CSMD1: variants seen among roughly 807,000 people sequenced by gnomAD.
CSMD1 encodes the protein CUB and Sushi multiple domains 1.
CSMD1 carries 213 observed loss-of-function variants against 417.5 expected under a neutral mutation model. That is an observed-to-expected ratio of 0.51 (90% CI 0.46 to 0.57). The LOEUF (loss-of-function observed/expected upper bound fraction) is 0.57, where lower values mean the gene tolerates loss of function less well. Ranked by LOEUF, CSMD1 falls within the 20% of genes least tolerant of loss-of-function variation. The probability of loss-of-function intolerance (pLI) is 0.00; values close to 1 mark genes in which losing one functional copy is unlikely to be tolerated. For missense variants in CSMD1, 6,923 were observed against 4,529.7 expected, an observed-to-expected ratio of 1.53 and a Z score of -15.17; for synonymous variants, 2,862 against 1,736.8, an observed-to-expected ratio of 1.65 and a Z score of -16.11.
At chr8:4,298,278 T>C (rs1017996540) in intron 3 of CSMD1, among the ~76,000 whole-genome samples, 4 of 152,180 alleles carry the variant, frequency 2.6e-5, no homozygotes, top group Non-Finnish European at 4.4e-5. Flanking sequence ...AGGTAAGAAG[T>C]TACAATAATA....
At chr8:4,345,789 C>T (rs906135426) in intron 3 of CSMD1, among the ~76,000 whole-genome samples, 10 of 152,080 alleles carry the variant, frequency 6.6e-5, no homozygotes, top group Admixed American at 2.0e-4. Context: ...GCTAATTCTT[C>T]CACAAAACCA....
intron 3 of CSMD1, among the ~76,000 whole-genome samples, chr8:4,230,812 T>A (rs1178968998): frequency 6.6e-6 from 1 of 152,196 alleles, no homozygotes; most frequent in East Asian, 1.9e-4. Flanking sequence ...TTCAGCAGCT[T>A]TTGCAGTGTC....
chr8:4,366,245 G>C (rs1003041224), intron 3 of CSMD1, among the ~76,000 whole-genome samples: 1 of 123,920 alleles, frequency 8.1e-6, no homozygotes, highest in East Asian at 2.4e-4. Flanking sequence ...AGCTGCAAAA[G>C]ACGTGATTCT....
At chr8:4,738,061 A>C in intron 1 of CSMD1, among the ~76,000 whole-genome samples, 2 of 152,328 alleles carry the variant, frequency 1.3e-5, no homozygotes, top group Admixed American at 1.3e-4. Context: ...AGTAAAAACA[A>C]AGATAAGATT....
rs1018213037 is a variant in CSMD1 at position 4,184,054 on chromosome 8, T to C, written c.416-151955A>G. On this transcript the variant is annotated intron_variant, in intron 3 of 69. Coordinates refer to ENST00000635120, the MANE Select transcript of CSMD1 (RefSeq NM_033225.6). The stretch of plus-strand genomic sequence containing the variant: ...ATAATGATGGCAAATTCTGTTATTA[T>C]CTACCCTGCAATAATTAGCCACCTT... Among the ~76,000 whole-genome samples the C allele has an allele frequency of 3.9e-5, 6 of 152,202 alleles. No homozygotes were observed. In the East Asian group the frequency reaches 9.6e-4, roughly 24 times the overall value.
chr8:3,177,543 A>G (rs779057644), intron 37 of CSMD1, among the ~76,000 whole-genome samples: 40 of 152,200 alleles, frequency 2.6e-4, no homozygotes, highest in Admixed American at 1.3e-4. Flanking sequence ...TCTCTAGGAG[A>G]CCATTACAAT....
At position 3,591,150 on chromosome 8, in the gene CSMD1, G is replaced by T. The variant is rs57525114; in HGVS notation, c.1098-4890C>A. ...TAACTGTAAGAAATACTGGAGAACCGATTTTGTGTAAGATCAAGATACATG... is the reference window on the plus strand; with the variant it reads ...TAACTGTAAGAAATACTGGAGAACCTATTTTGTGTAAGATCAAGATACATG... On this transcript the variant is annotated intron_variant, in intron 8 of 69. Coordinates refer to ENST00000635120, the MANE Select transcript of CSMD1 (RefSeq NM_033225.6). 2.5e-3 allele frequency among the ~76,000 whole-genome samples: 380 copies of T among 152,222 alleles called. 1 individual carries two copies. The highest frequency in any genetic ancestry group is 8.6e-3 in the African/African-American group (356 of 41,550).
At chr8:4,120,764 T>A (rs1277224173) in intron 3 of CSMD1, among the ~76,000 whole-genome samples, 1 of 152,214 alleles carries the variant, frequency 6.6e-6, no homozygotes, top group African/African-American at 2.4e-5. Context: ...AGAGGACACC[T>A]AGTTAAAACA....
intron 1 of CSMD1, among the ~76,000 whole-genome samples, chr8:4,766,589 G>C (rs1431732882): frequency 2.0e-5 from 3 of 152,078 alleles, no homozygotes; most frequent in Admixed American, 2.0e-4. Context: ...CATGCAGCAG[G>C]GCATTTATTG....
At chr8:4,385,700 AT>A (rs1309808357) in intron 3 of CSMD1, among the ~76,000 whole-genome samples, 1 of 152,178 alleles carries the variant, frequency 6.6e-6, no homozygotes, top group Non-Finnish European at 1.5e-5. Flanking sequence ...GTAATATAGT[AT>A]TTTTATAGAG....
chr8:4,746,450 C>T (rs1810958357), intron 1 of CSMD1, among the ~76,000 whole-genome samples: 1 of 152,202 alleles, frequency 6.6e-6, no homozygotes, highest in Non-Finnish European at 1.5e-5. Flanking sequence ...GACTTGCTCA[C>T]CACAATATCA....
chr8:4,414,379 C>G (rs1035151941), intron 3 of CSMD1, among the ~76,000 whole-genome samples: 3 of 152,122 alleles, frequency 2.0e-5, no homozygotes, highest in African/African-American at 7.2e-5. Flanking sequence ...GGTGAAAATT[C>G]AAGGACTGTA....
chr8:3,613,047 G>A (rs1024864058), intron 8 of CSMD1, among the ~76,000 whole-genome samples: 1 of 151,920 alleles, frequency 6.6e-6, no homozygotes, highest in Non-Finnish European at 1.5e-5. Context: ...GATGGAACAA[G>A]TAAAATTTTT....
At chr8:4,694,333 C>G (rs1584954418) in intron 1 of CSMD1, among the ~76,000 whole-genome samples, 1 of 152,168 alleles carries the variant, frequency 6.6e-6, no homozygotes, top group South Asian at 2.1e-4. Context: ...AAACCAAAAA[C>G]CAAAGTACTT....
chr8:4,450,050 T>A (rs1316928364), intron 2 of CSMD1, among the ~76,000 whole-genome samples: 1 of 152,184 alleles, frequency 6.6e-6, no homozygotes, highest in Non-Finnish European at 1.5e-5. Context: ...TGGGTTCCAC[T>A]TTTCTCCCGG....
intron 4 of CSMD1, among the ~76,000 whole-genome samples, chr8:4,016,297 T>TTCC: frequency 6.6e-6 from 1 of 152,102 alleles, no homozygotes; most frequent in South Asian, 2.1e-4. Flanking sequence ...TAGATGGAAA[T>TTCC]AGAAAATAAA....
intron 41 of CSMD1, among the ~76,000 whole-genome samples, chr8:3,135,037 C>T (rs547211474): frequency 1.3e-5 from 2 of 152,272 alleles, no homozygotes; most frequent in East Asian, 3.9e-4. Context: ...AGTCCTCCCA[C>T]CTCAGCCTCC....
At chr8:3,075,131 T>C (rs1813564136) in intron 49 of CSMD1, among the ~76,000 whole-genome samples, 1 of 152,162 alleles carries the variant, frequency 6.6e-6, no homozygotes, top group Admixed American at 6.6e-5. Flanking sequence ...CTTCACCTTC[T>C]GCCATGATTA....
At chr8:3,769,539 A>G (rs760446085) in intron 5 of CSMD1, among the ~76,000 whole-genome samples, 8 of 151,948 alleles carry the variant, frequency 5.3e-5, no homozygotes, top group Non-Finnish European at 1.0e-4. Flanking sequence ...TTAGTGACAA[A>G]AATACACCTA....
Sources: gnomAD v4.1 joint callset for allele counts (sites outside exome capture counted in the v4.1 genomes callset) on GRCh38, gnomAD v4.1.1 for gene constraint, MANE v1.5 for transcripts, NCBI Gene and HGNC (gene_info 2026-07-23, HGNC 2026-07-21) for gene names.